PDZD2: variants seen among roughly 807,000 people sequenced by gnomAD.
The protein encoded by PDZD2 is PDZ domain containing 2, also known as PDZ domain-containing protein 2.
PDZD2 carries 90 observed loss-of-function variants against 220.7 expected under a neutral mutation model. That is an observed-to-expected ratio of 0.41 (90% confidence interval 0.34 to 0.49). PDZD2 has a LOEUF of 0.49. PDZD2 is among the 20% of genes least tolerant of loss of function. The pLI is 0.28. For synonymous variants in PDZD2, 1,375 were observed against 1,450.5 expected (o/e 0.95, Z 1.18); for missense variants, 3,174 against 3,608.5 (o/e 0.88, Z 3.08).
chr5:31,899,968 G>A (rs375780810), intron 2 of PDZD2, among the ~76,000 whole-genome samples: 22 of 152,282 alleles, frequency 1.4e-4, no homozygotes, highest in East Asian at 9.6e-4. Context: ...ATAGTGTTAC[G>A]GCAGCTTGAA....
intron 2 of PDZD2, among the ~76,000 whole-genome samples, chr5:31,801,057 G>A (rs572954324): frequency 6.6e-6 from 1 of 152,340 alleles, no homozygotes; most frequent in Admixed American, 6.5e-5. Flanking sequence ...CTGGTGCAAA[G>A]TGCAGGGTGG....
intron 2 of PDZD2, among the ~76,000 whole-genome samples, chr5:31,855,481 G>C (rs1474458971): frequency 6.6e-6 from 1 of 152,242 alleles, no homozygotes. Flanking sequence ...TGCCCAGAGG[G>C]GACAGGTAAT....
At chr5:31,958,121 CATTT>C (rs1747890462) in intron 2 of PDZD2, among the ~76,000 whole-genome samples, 1 of 152,102 alleles carries the variant, frequency 6.6e-6, no homozygotes, top group Non-Finnish European at 1.5e-5. Context: ...AAAATGTACA[CATTT>C]AATATGTTTA....
intron 2 of PDZD2, among the ~76,000 whole-genome samples, chr5:31,851,361 T>C (rs1241357809): frequency 3.3e-5 from 5 of 152,230 alleles, no homozygotes; most frequent in African/African-American, 1.2e-4. Flanking sequence ...GCCTATTTCT[T>C]ATCAGTGCAA....
chr5:32,081,504 G>A (rs1412123813), intron 19 of PDZD2, among the ~76,000 whole-genome samples: 3 of 152,166 alleles, frequency 2.0e-5, no homozygotes, highest in Admixed American at 6.5e-5. Flanking sequence ...GGCTTTTGGG[G>A]TGTATCTGAA....
chr5:31,810,753 G>A (rs1469804706), intron 2 of PDZD2, among the ~76,000 whole-genome samples: 3 of 152,206 alleles, frequency 2.0e-5, no homozygotes, highest in African/African-American at 4.8e-5. Flanking sequence ...GCATCTTCTG[G>A]TGTTGGAGGG....
chr5:32,080,993 G>A (rs1024144967), intron 19 of PDZD2, among the ~76,000 whole-genome samples: 1 of 151,866 alleles, frequency 6.6e-6, no homozygotes, highest in Non-Finnish European at 1.5e-5. Context: ...CCTAGGTCAC[G>A]GGTTGATAGG....
intron 1 of PDZD2, among the ~76,000 whole-genome samples, chr5:31,796,579 G>A (rs1754038796): frequency 6.6e-6 from 1 of 152,162 alleles, no homozygotes; most frequent in Non-Finnish European, 1.5e-5. Flanking sequence ...GATTGTCCCA[G>A]CGTGGGTGAG....
chr5:31,799,392 G>A lies in PDZD2; in HGVS notation c.144G>A (p.Leu48=). The change falls in exon 2 of 25, where the codon CTG becomes CTA. Residue 48 remains leucine (L), a synonymous_variant. Transcript: ENST00000438447. ...AIQKLQEYIQ[L]NFAVDESTVP... ...AGAAGCTGCAGGAGTACATCCAGCTGAACTTTGCTGTGGATGAGAGTACGG... is the reference window on the plus strand; with the variant it reads ...AGAAGCTGCAGGAGTACATCCAGCTAAACTTTGCTGTGGATGAGAGTACGG... 1.2e-6 allele frequency: 2 copies of A among 1,614,242 alleles called. No homozygotes were observed. The highest frequency in any genetic ancestry group is 1.7e-6 in the Non-Finnish European group (2 of 1,180,038).
chr5:31,933,219 T>C (rs1745454112), intron 2 of PDZD2, among the ~76,000 whole-genome samples: 1 of 152,180 alleles, frequency 6.6e-6, no homozygotes, highest in African/African-American at 2.4e-5. Context: ...GCCAGCATAG[T>C]TTCTTTTCAA....
chr5:32,011,787 T>A (rs568562394), intron 6 of PDZD2, among the ~76,000 whole-genome samples: 1 of 152,304 alleles, frequency 6.6e-6, no homozygotes, highest in African/African-American at 2.4e-5. Flanking sequence ...GGGGGAAAAG[T>A]TGCTTTTCGT....
At chr5:31,910,783 G>A (rs1047550764) in intron 2 of PDZD2, among the ~76,000 whole-genome samples, 1 of 151,916 alleles carries the variant, frequency 6.6e-6, no homozygotes, top group Non-Finnish European at 1.5e-5. Context: ...ATCTGCCTCA[G>A]GCTCCCAAAG....
intron 2 of PDZD2, among the ~76,000 whole-genome samples, chr5:31,857,859 CGTT>C (rs1268809862): frequency 2.6e-5 from 4 of 152,120 alleles, no homozygotes; most frequent in South Asian, 2.1e-4. Context: ...GATGGAGTCT[CGTT>C]GTCACCCAGG....
At chr5:31,643,978 G>A (rs527618170) in intron 1 of PDZD2, among the ~76,000 whole-genome samples, 43 of 151,724 alleles carry the variant, frequency 2.8e-4, no homozygotes, top group African/African-American at 1.0e-3. Flanking sequence ...AGACACCACC[G>A]CACCTGGCTA....
chr5:32,002,765 C>CCAACACACCA (rs1581249428), intron 5 of PDZD2, among the ~76,000 whole-genome samples: 1 of 107,084 alleles, frequency 9.3e-6, no homozygotes, highest in Non-Finnish European at 1.8e-5. Context: ...ACCCCACACA[C>CCAACACACCA]CACACACACC....
At chr5:31,951,152 A>C (rs35349113) in intron 2 of PDZD2, among the ~76,000 whole-genome samples, 35,515 of 152,060 alleles carry the variant, frequency 0.23, 5,306 homozygotes, top group Middle Eastern at 0.44. Context: ...CTGCAGTCTC[A>C]ACCTCCCGTG....
chr5:31,714,656 T>C (rs945179759), intron 1 of PDZD2, among the ~76,000 whole-genome samples: 1 of 152,196 alleles, frequency 6.6e-6, no homozygotes, highest in Non-Finnish European at 1.5e-5. Flanking sequence ...CAGAATTCCT[T>C]TGAGTCATGT....
intron 24 of PDZD2, among the ~76,000 whole-genome samples, 171 bp downstream of exon 24, chr5:32,101,410 G>A (rs1342666822): frequency 2.0e-5 from 3 of 152,152 alleles, no homozygotes; most frequent in Admixed American, 6.5e-5. Flanking sequence ...TGCCATCCAC[G>A]TGGCAACTCT....
chr5:31,891,116 A>AG (rs1045033629), intron 2 of PDZD2, among the ~76,000 whole-genome samples: 2 of 144,522 alleles, frequency 1.4e-5, no homozygotes, highest in Non-Finnish European at 3.0e-5. Context: ...AGCAAAGCTC[A>AG]GGGGTTTTTC....
Sources: gnomAD v4.1 joint callset for allele counts (sites outside exome capture counted in the v4.1 genomes callset) on GRCh38, gnomAD v4.1.1 for gene constraint, MANE v1.5 for transcripts, NCBI Gene and HGNC (gene_info 2026-07-23, HGNC 2026-07-21) for gene names.